SESTD1: variants seen among roughly 807,000 people sequenced by gnomAD.
The protein encoded by SESTD1 is SEC14 and spectrin domain containing 1.
SESTD1 carries 43 observed loss-of-function variants against 101.7 expected under a neutral mutation model. The ratio of observed to expected loss-of-function variants is 0.42; its 90% CI spans 0.33 to 0.55. The LOEUF is 0.55. Among genes scored for constraint, SESTD1 ranks in the 20% least tolerant of loss-of-function variants. SESTD1 has a pLI of 0.07. For missense variants in SESTD1, 647 were observed against 815.1 expected (o/e 0.79, Z 2.51); for synonymous variants, 283 against 286.8 (o/e 0.99, Z 0.13).
chr2:179,200,001 G>A (rs886636164), intron 1 of SESTD1, among the ~76,000 whole-genome samples: 5 of 152,124 alleles, frequency 3.3e-5, no homozygotes, highest in East Asian at 1.9e-4. Context: ...GTTTGCAGAC[G>A]ACATGATTGT....
In SESTD1 at chr2:179,116,775, T is replaced by G; in HGVS notation, c.1540A>C (p.Ser514Arg). The G allele has an allele frequency of 6.2e-7, 1 of 1,613,912 alleles. No individual in the cohort carries two copies. Among genetic ancestry groups the G allele is most frequent in the Non-Finnish European group, 8.5e-7 (1 of 1,179,848 alleles). ...EDAAQAVEWL[S>R]ELLDALLKTH... ...TTAAGCAGAGCATCCAGAAGTTCAC[T>G]TAGCCATTCTACTGCCTAAACAAAA... is the stretch of plus-strand genomic sequence containing the variant. The change falls in exon 15 of 18, where the codon AGT (serine) becomes CGT (arginine). Residue 514 changes from serine (S) to arginine (R), a missense_variant. Transcript: ENST00000428443.
chr2:179,256,910 C>T (rs1277874160), intron 1 of SESTD1, among the ~76,000 whole-genome samples: 1 of 151,722 alleles, frequency 6.6e-6, no homozygotes, highest in East Asian at 1.9e-4. Flanking sequence ...AGTGAACGTG[C>T]CATAAACATT....
intron 1 of SESTD1, among the ~76,000 whole-genome samples, chr2:179,223,090 T>C (rs1290595998): frequency 2.6e-5 from 4 of 152,118 alleles, no homozygotes; most frequent in African/African-American, 9.7e-5. Flanking sequence ...ATCCATATAA[T>C]AGGATACCAT....
chr2:179,133,436 A>G (rs965911684), intron 9 of SESTD1, among the ~76,000 whole-genome samples: 3 of 152,188 alleles, frequency 2.0e-5, no homozygotes, highest in African/African-American at 7.2e-5. Flanking sequence ...AGGGTTAAGC[A>G]AAGATCAAGT....
At chr2:179,113,006 G>T (rs1282897048) in intron 16 of SESTD1, among the ~76,000 whole-genome samples, 161 bp from the exon 17 acceptor site, 1 of 152,138 alleles carries the variant, frequency 6.6e-6, no homozygotes, top group Non-Finnish European at 1.5e-5. Context: ...CTTGTTCTTA[G>T]CATCTTCAGG....
At chr2:179,199,277 G>C (rs1266356056) in intron 1 of SESTD1, among the ~76,000 whole-genome samples, 16 of 152,018 alleles carry the variant, frequency 1.1e-4, no homozygotes, top group Admixed American at 1.0e-3. Context: ...TCTCTGAATA[G>C]ACCAATAACA....
chr2:179,161,859 TAA>T (rs976070329), intron 5 of SESTD1, among the ~76,000 whole-genome samples: 16 of 152,194 alleles, frequency 1.1e-4, no homozygotes, highest in African/African-American at 3.6e-4. Context: ...TTTGAATGTG[TAA>T]AGTCTTTTAT....
At chr2:179,123,289 C>T (rs1390289204) in intron 12 of SESTD1, among the ~76,000 whole-genome samples, 1 of 152,070 alleles carries the variant, frequency 6.6e-6, no homozygotes, top group Non-Finnish European at 1.5e-5. Flanking sequence ...GAGACAAGAA[C>T]CAAAAAACCA....
intron 1 of SESTD1, among the ~76,000 whole-genome samples, chr2:179,215,989 C>G (rs1011095712): frequency 1.5e-5 from 2 of 134,814 alleles, no homozygotes; most frequent in African/African-American, 2.9e-5. Context: ...AAACATAACT[C>G]AAAATAGTAA....
chr2:179,229,748 CTTATATA>C (rs1324920183), intron 1 of SESTD1, among the ~76,000 whole-genome samples: 12 of 71,892 alleles, frequency 1.7e-4, no homozygotes, highest in African/African-American at 9.0e-4. Flanking sequence ...TTTGTAAGAA[CTTATATA>C]TATATATATA....
intron 13 of SESTD1, among the ~76,000 whole-genome samples, chr2:179,121,430 TCTAAA>T (rs1320845495): frequency 2.6e-5 from 4 of 152,168 alleles, no homozygotes; most frequent in Admixed American, 6.5e-5. Flanking sequence ...TAATGGCAAC[TCTAAA>T]CTAAATGAAA....
Position 179,102,390 on chromosome 2 carries a change from T to C in SESTD1, c.*7509A>G, listed in dbSNP as rs2044291011. On this transcript the variant is annotated 3_prime_UTR_variant, in exon 18 of 18. Coordinates refer to ENST00000428443, the MANE Select transcript of SESTD1 (RefSeq NM_178123.5). ...ATTCAAAGATGCAGAATTCATCAGA[T>C]TATCTTATAGAGACCAGTGTGACTT... 1 of 152,176 alleles carries C rather than the reference T, an allele frequency of 6.6e-6. No individual in the cohort carries two copies. The highest frequency in any genetic ancestry group is 2.4e-5 in the African/African-American group (1 of 41,450). The allele number at this position is 152,176 out of a possible 1,614,324, so 9.4% of individuals were successfully genotyped here. A position where few individuals can be genotyped will look rare whatever the true frequency, so the allele number is the denominator to read the frequency against.
chr2:179,152,988 A>C (rs79647638), intron 5 of SESTD1, among the ~76,000 whole-genome samples: 1 of 152,308 alleles, frequency 6.6e-6, no homozygotes, highest in Non-Finnish European at 1.5e-5. Flanking sequence ...GAAAAGACTA[A>C]TGAAATCAAC....
intron 3 of SESTD1, among the ~76,000 whole-genome samples, chr2:179,180,340 A>G (rs1360059467): frequency 3.3e-5 from 5 of 152,196 alleles, no homozygotes; most frequent in African/African-American, 1.2e-4. Context: ...CATGAAAAAA[A>G]CAATTTTGGA....
Position 179,210,048 on chromosome 2 carries a change from C to T in SESTD1, c.-25-18182G>A, listed in dbSNP as rs752548062. 6.0e-5 allele frequency among the ~76,000 whole-genome samples: 8 copies of T among 132,846 alleles called. 3 individuals carry two copies. Among genetic ancestry groups the T allele is most frequent in the Non-Finnish European group, 6.5e-5 (4 of 61,888 alleles). 87.2% of individuals were successfully genotyped at this position (132,846 alleles called of 152,430 possible). On this transcript the variant is annotated intron_variant, in intron 1 of 17. Transcript: ENST00000428443. ...ATATTATAACCGAGATCATTCAAGG[C>T]TGCCATGAACACCATTATGCACACA...
Position 179,105,289 on chromosome 2 carries a change from T to C in SESTD1, c.*4610A>G, listed in dbSNP as rs2044356800. ...CTAATATCCAATCCTAGTATGATTT[T>C]CTTTTACTTGTGTCTATTAACAGGG... On this transcript the variant is annotated 3_prime_UTR_variant, in exon 18 of 18. Coordinates refer to ENST00000428443, the MANE Select transcript of SESTD1 (RefSeq NM_178123.5). 6.6e-6 allele frequency: 1 copy of C among 152,096 alleles called. No individual in the cohort carries two copies. The highest frequency in any genetic ancestry group is 1.5e-5 in the Non-Finnish European group (1 of 68,014). The allele number at this position is 152,096 out of a possible 1,614,324, so 9.4% of individuals were successfully genotyped here. A position where few individuals can be genotyped will look rare whatever the true frequency, so the allele number is the denominator to read the frequency against.
Position 179,115,151 on chromosome 2 carries a change from T to C in SESTD1, c.1753A>G (p.Arg585Gly). 1 of 1,614,096 alleles carries C rather than the reference T, an allele frequency of 6.2e-7. No homozygotes were observed. The highest frequency in any genetic ancestry group is 8.5e-7 in the Non-Finnish European group (1 of 1,180,002). Residue 585 changes from arginine (R) to glycine (G), a missense_variant, in exon 16 of 18, where the codon AGA (arginine) becomes GGA (glycine). Around this residue, in one of 3 missense-constraint regions of SESTD1, gnomAD observed 476 missense variants for 562.6 expected, o/e 0.85. Transcript: ENST00000428443. ...GCTATTGTAAATTGTTTCCATACTC[T>C]GTTCAGTCGAGGAAGTGTATCCCCA... ...SSGDTLPRLN[R>G]VWKQFTIASE...
intron 1 of SESTD1, among the ~76,000 whole-genome samples, chr2:179,198,729 C>A (rs568163573): frequency 6.6e-6 from 1 of 152,056 alleles, no homozygotes; most frequent in Admixed American, 6.5e-5. Context: ...GAAATGAAGG[C>A]AGAAATAAAG....
intron 5 of SESTD1, among the ~76,000 whole-genome samples, chr2:179,152,291 A>G (rs1254944604): frequency 6.6e-6 from 1 of 152,222 alleles, no homozygotes; most frequent in Non-Finnish European, 1.5e-5. Flanking sequence ...ACCTGTAACT[A>G]GTTTGAAGTT....
Sources: allele counts gnomAD v4.1 joint callset (sites outside exome capture counted in the v4.1 genomes callset), GRCh38; gene constraint gnomAD v4.1.1; regional missense constraint gnomAD v4.1.1; transcripts MANE v1.5; gene names NCBI Gene and HGNC (gene_info 2026-07-23, HGNC 2026-07-21).